Variants in WDR35 observed in about 807,000 individuals in gnomAD.
WDR35 encodes WD repeat domain 35, also known as WD repeat-containing protein 35.
Under a neutral mutation model 158.3 loss-of-function variants are expected in WDR35, and 118 were observed. The observed-to-expected ratio is 0.75, with a 90% CI of 0.64 to 0.87. The LOEUF (loss-of-function observed/expected upper bound fraction) is 0.87, where lower values mean the gene tolerates loss of function less well. Ranked by LOEUF, WDR35 falls within the 40% of genes least tolerant of loss-of-function variation. WDR35 has a pLI of 0.00. For missense variants in WDR35, 1,263 were observed against 1,405.8 expected, an observed-to-expected ratio of 0.90 and a Z score of 1.62; for synonymous variants, 448 against 476.1, an observed-to-expected ratio of 0.94 and a Z score of 0.77.
rs748153278 is a variant in WDR35, at chr2:19,936,277, T to C, written c.2356A>G (p.Ser786Gly). 1.9e-6 allele frequency: 3 copies of C among 1,614,056 alleles called. No individual in the cohort carries two copies. The highest frequency in any genetic ancestry group is 4.5e-5 in the East Asian group (2 of 44,892). ...GCATTGTTGGCTTGTTCCAGGAGAC[T>C]GTCATCTGCATCACCAGATCCAGTT... ...LKTGSGDADDSLLEQANNAIG... is the reference protein window; with the variant it reads ...LKTGSGDADDGLLEQANNAIG... Residue 786 changes from serine to glycine, a missense_variant, in exon 20 of 27, where the codon AGT (serine) becomes GGT (glycine). Ser to Gly is a moderately conservative substitution (Grantham distance 56). Transcript: ENST00000281405.
chr2:19,937,987 A>C, intron 18 of WDR35, 41 bp from the exon 19 acceptor site: 1 of 1,603,444 alleles, frequency 6.2e-7, no homozygotes, highest in Non-Finnish European at 8.5e-7. Context: ...GCATATTGCA[A>C]ATTACTGACA....
At chr2:19,965,813 T>C (rs1230075405) in intron 10 of WDR35, among the ~76,000 whole-genome samples, 1 of 152,206 alleles carries the variant, frequency 6.6e-6, no homozygotes, top group Non-Finnish European at 1.5e-5. Context: ...GCATAATCTC[T>C]GGTACTTCCA....
intron 3 of WDR35, among the ~76,000 whole-genome samples, chr2:19,981,088 T>C (rs1283267260): frequency 4.6e-5 from 7 of 152,204 alleles, no homozygotes; most frequent in Admixed American, 3.9e-4. Flanking sequence ...GTTTACTCAA[T>C]TGGCCTGACT....
At chr2:19,982,612 C>A in intron 2 of WDR35, 78 bp from the exon 3 acceptor site, 1 of 1,446,182 alleles carries the variant, frequency 6.9e-7, no homozygotes, top group Non-Finnish European at 9.5e-7. Context: ...TTTTTGTATT[C>A]CTGGGCAGTA....
At position 19,942,527 on chromosome 2, in the gene WDR35, T is replaced by TA. The variant is rs374933779; in HGVS notation, c.1846-689dup. On this transcript the variant is annotated intron_variant, in intron 16 of 26. Coordinates refer to ENST00000281405, the MANE Select transcript of WDR35 (RefSeq NM_020779.4). ...AAAGTAGCTGCCCTAGATCCTTGTA[T>TA]AAACATGTTTATCATTAGAAATTTT... 2.8e-4 allele frequency among the ~76,000 whole-genome samples: 42 copies of TA among 151,792 alleles called. 1 individual carries two copies. Among genetic ancestry groups the TA allele is most frequent in the African/African-American group, 9.9e-4 (41 of 41,372 alleles).
intron 8 of WDR35, among the ~76,000 whole-genome samples, chr2:19,973,307 A>T (rs1452113326): frequency 6.6e-6 from 1 of 152,124 alleles, no homozygotes; most frequent in Non-Finnish European, 1.5e-5. Flanking sequence ...ATTCAAAATA[A>T]CTACTCCATG....
intron 5 of WDR35, among the ~76,000 whole-genome samples, chr2:19,976,642 G>C (rs1475053021): frequency 6.6e-6 from 1 of 150,670 alleles, no homozygotes. Flanking sequence ...GAAAGAAACT[G>C]CCTTCATGGA....
chr2:19,970,270 T>C (rs1671997304), intron 8 of WDR35, among the ~76,000 whole-genome samples: 1 of 152,212 alleles, frequency 6.6e-6, no homozygotes, highest in African/African-American at 2.4e-5. Context: ...ATTATATTTC[T>C]TAGAATCAAT....
Position 19,941,793 on chromosome 2 carries a change from T to C in WDR35, c.1892A>G (p.Glu631Gly). ...SGYICNFEDLEIKSVLLDEIL... is the reference protein window; with the variant it reads ...SGYICNFEDLGIKSVLLDEIL... ...CTCATCCAAAAGAACAGATTTAATT[T>C]CTAAATCCTCAAAATTACAAATATA... is the stretch of plus-strand genomic sequence containing the variant. The change falls in exon 17 of 27, where the codon GAA becomes GGA. Residue 631 changes from glutamate to glycine, a missense_variant. Transcript: ENST00000281405. The C allele has an allele frequency of 1.3e-6, 2 of 1,573,338 alleles. No individual in the cohort carries two copies. Among genetic ancestry groups the C allele is most frequent in the Non-Finnish European group, 1.7e-6 (2 of 1,151,450 alleles).
intron 10 of WDR35, among the ~76,000 whole-genome samples, chr2:19,961,577 A>G (rs919905955): frequency 6.6e-6 from 1 of 152,222 alleles, no homozygotes; most frequent in African/African-American, 2.4e-5. Flanking sequence ...GAGATGAAAC[A>G]TGGCTTTGCC....
chr2:19,969,771 G>C (rs1428690539), intron 8 of WDR35, among the ~76,000 whole-genome samples, 166 bp from the exon 9 acceptor site: 1 of 146,944 alleles, frequency 6.8e-6, no homozygotes, highest in Non-Finnish European at 1.5e-5. Context: ...TTTTTGAGAC[G>C]GAATTTCTCA....
intron 11 of WDR35, among the ~76,000 whole-genome samples, chr2:19,954,976 A>C (rs1017413567): frequency 6.6e-6 from 1 of 152,172 alleles, no homozygotes; most frequent in African/African-American, 2.4e-5. Context: ...TACCTGGTTC[A>C]GAGTCTCACT....
At chr2:19,922,895 C>A (rs936989088) in intron 25 of WDR35, among the ~76,000 whole-genome samples, 8 of 152,148 alleles carry the variant, frequency 5.3e-5, no homozygotes, top group Non-Finnish European at 1.0e-4. Flanking sequence ...GCAAGGAACA[C>A]CTGGCCCGCC....
At position 19,976,428 on chromosome 2, in the gene WDR35, T is replaced by C. The variant is rs529693064; in HGVS notation, c.437-765A>G. Among the ~76,000 whole-genome samples, 10 of 152,234 alleles carry C rather than the reference T, an allele frequency of 6.6e-5. No homozygotes were observed. In the South Asian group the frequency reaches 8.3e-4, roughly 13 times the overall value. On this transcript the variant is annotated intron_variant, in intron 5 of 26. Transcript: ENST00000281405. ...AACTCCATTGAAACTGCCTACAACA[T>C]ACACTATTTGGGTTATGGTTATATA... is the stretch of plus-strand genomic sequence containing the variant.
Position 19,980,724 on chromosome 2 carries a change from T to G in WDR35, c.274A>C (p.Asn92His), listed in dbSNP as rs780544119. Residue 92 changes from asparagine to histidine, a missense_variant, in exon 4 of 27, where the codon AAC (asparagine) becomes CAC (histidine). Physicochemically the swap from Asn to His is moderately conservative, Grantham distance 68. Transcript: ENST00000281405. ...QYQKLTTSDENGLIIVWMLYK... is the reference protein window; with the variant it reads ...QYQKLTTSDEHGLIIVWMLYK... ...AACATCCACACAATGATAAGCCCGT[T>G]TTCATCACTGGTAGTCAACTTCTGA... The G allele has an allele frequency of 3.1e-6, 5 of 1,613,786 alleles. No homozygotes were observed. Among genetic ancestry groups the G allele is most frequent in the Non-Finnish European group, 4.2e-6 (5 of 1,179,804 alleles).
At chr2:19,940,574 C>G (rs920817450) in intron 17 of WDR35, among the ~76,000 whole-genome samples, 1 of 152,072 alleles carries the variant, frequency 6.6e-6, no homozygotes, top group African/African-American at 2.4e-5. Flanking sequence ...GTAATAACAG[C>G]CCAGACTCCA....
intron 25 of WDR35, among the ~76,000 whole-genome samples, chr2:19,917,689 TAGAGAAAAA>T (rs1670031697): frequency 6.6e-6 from 1 of 151,580 alleles, no homozygotes; most frequent in South Asian, 2.1e-4. Flanking sequence ...AAAACAAGAT[TAGAGAAAAA>T]AGAGTGAAAA....
At chr2:19,929,725 G>C (rs1406975759) in intron 25 of WDR35, among the ~76,000 whole-genome samples, 1 of 152,018 alleles carries the variant, frequency 6.6e-6, no homozygotes, top group Non-Finnish European at 1.5e-5. Flanking sequence ...ATACTGCTGA[G>C]GGAAAAAACC....
intron 10 of WDR35, chr2:19,962,462 G>A (rs1355106596): frequency 3.2e-5 from 26 of 808,848 alleles, no homozygotes; most frequent in African/African-American, 5.1e-5. Context: ...ATAATCAAAC[G>A]TAATGCACAT....
Sources: allele counts gnomAD v4.1 joint callset (sites outside exome capture counted in the v4.1 genomes callset), GRCh38; gene constraint gnomAD v4.1.1; transcripts MANE v1.5; gene names NCBI Gene and HGNC (gene_info 2026-07-23, HGNC 2026-07-21).